Variants in DOCK6 observed in about 807,000 individuals in gnomAD.
The protein encoded by DOCK6 is dedicator of cytokinesis protein 6.
A neutral mutation model predicts 230.3 loss-of-function variants in DOCK6; 167 were observed. The observed-to-expected ratio is 0.73, with a 90% CI of 0.64 to 0.82. DOCK6 has a LOEUF of 0.82. Ranked by LOEUF, DOCK6 falls within the 40% of genes least tolerant of loss-of-function variation. DOCK6 has a pLI of 0.00. For missense variants in DOCK6, 2,598 were observed against 2,825.8 expected, an observed-to-expected ratio of 0.92 and a Z score of 1.83; for synonymous variants, 1,148 against 1,185.0, an observed-to-expected ratio of 0.97 and a Z score of 0.64.
At chr19:11,229,263 A>G (rs891305454) in intron 22 of DOCK6, 24 of 1,325,582 alleles carry the variant, frequency 1.8e-5, no homozygotes, top group Admixed American at 3.3e-5. Flanking sequence ...GGGGACCAGG[A>G]CAAAAATAGC....
rs772522756 is a variant in DOCK6, at chr19:11,222,994, T to A, written c.3068A>T (p.Gln1023Leu). The change falls in exon 25 of 48, where the codon CAG becomes CTG. Residue 1023 changes from glutamine (Q) to leucine (L), a missense_variant and splice_region_variant. Coordinates refer to ENST00000294618, the MANE Select transcript of DOCK6 (RefSeq NM_020812.4). This position sits in a 1 kb window ranked among gnomAD's most constrained non-coding sequence, Gnocchi z 4.0. ...VFSLVRAHYK[Q>L]VATRLQSSPN... is the part of the protein sequence containing the mutation. ...CACCCTGCCCACGCCCACTCCTACC[T>A]GCTTGTAGTGGGCCCGGACCAGGCT... 6.2e-7 allele frequency: 1 copy of A among 1,613,792 alleles called. No homozygotes were observed. The highest frequency in any genetic ancestry group is 1.1e-5 in the South Asian group (1 of 91,072).
intron 24 of DOCK6, among the ~76,000 whole-genome samples, chr19:11,223,391 C>T (rs2079612739): frequency 6.6e-6 from 1 of 152,180 alleles, no homozygotes; most frequent in African/African-American, 2.4e-5. Flanking sequence ...TTCCCAGCCT[C>T]CCTTCCAGTT....
In DOCK6 at chr19:11,213,355, T is replaced by C. The variant is rs756854091; in HGVS notation, c.4339-27A>G. ...TGCCCCCAAGGACCCAGACAGACAC[T>C]GTCCAGCCCCTCCCCGTTCTGGCTC... is the stretch of plus-strand genomic sequence containing the variant. On this transcript the variant is annotated intron_variant, in intron 34 of 47. Coordinates refer to ENST00000294618, the MANE Select transcript of DOCK6 (RefSeq NM_020812.4). The C allele has an allele frequency of 1.6e-5, 26 of 1,601,192 alleles. No individual in the cohort carries two copies. The African/African-American group carries it at 3.3e-4, about 21-fold the overall frequency.
In DOCK6 at chr19:11,202,832, G is replaced by GGCCCCCTGCCTGT; in HGVS notation, c.5236-124_5236-123insACAGGCAGGGGGC. On this transcript the variant is annotated intron_variant, in intron 41 of 47. Transcript: ENST00000294618. This position sits in a 1 kb window ranked among gnomAD's most constrained non-coding sequence, Gnocchi z 5.3. ...AGGACCCCGAGAACATCAGGGCATG[G>GGCCCCCTGCCTGT]GCACAGGCAGGGGGCCCTGAGAACA... The GGCCCCCTGCCTGT allele has an allele frequency of 6.7e-7, 1 of 1,491,154 alleles. No individual in the cohort carries two copies. The highest frequency in any genetic ancestry group is 1.1e-5 in the South Asian group (1 of 87,470). 92.4% of individuals were successfully genotyped at this position (1,491,154 alleles called of 1,614,324 possible).
rs1044236317 is a variant in DOCK6 at position 11,200,504 on chromosome 19, C to T, written c.5940-35G>A. 16 of 1,598,476 alleles carry T rather than the reference C, an allele frequency of 1.0e-5. No homozygotes were observed. The highest frequency in any genetic ancestry group is 2.3e-5 in the East Asian group (1 of 44,072). ...AGAGGGTGGGAGATGCTCAGAGACT[C>T]GCACACGGGACTGAAAGCAAGACTA... On this transcript the variant is annotated intron_variant, in intron 46 of 47. Transcript: ENST00000294618. The surrounding 1 kb of genome is among the most constrained non-coding windows in gnomAD (Gnocchi z 4.3).
intron 1 of DOCK6, among the ~76,000 whole-genome samples, chr19:11,260,229 CCT>C (rs891562622): frequency 2.0e-5 from 3 of 152,074 alleles, no homozygotes; most frequent in Non-Finnish European, 4.4e-5. Flanking sequence ...ATCCAAAACC[CCT>C]CTTTCTCACT....
chr19:11,253,462 G>A (rs1317836235), intron 2 of DOCK6, among the ~76,000 whole-genome samples, 177 bp downstream of exon 2: 3 of 152,154 alleles, frequency 2.0e-5, no homozygotes, highest in Admixed American at 2.0e-4. Context: ...ACAGGAATTG[G>A]TGAGACTACT....
At chr19:11,239,712 C>T (rs376063419) in intron 14 of DOCK6, 47 of 1,613,472 alleles carry the variant, frequency 2.9e-5, no homozygotes, top group Admixed American at 8.3e-5. Flanking sequence ...CCCCCATGGG[C>T]GGCCCAGAAC....
At chr19:11,216,668 C>A in intron 30 of DOCK6, 1 of 481,918 alleles carries the variant, frequency 2.1e-6, no homozygotes, top group South Asian at 2.4e-5. Context: ...CTCGGCCTCC[C>A]AAAGTGCTGG....
chr19:11,233,800 A>C (rs1242599104), intron 21 of DOCK6, among the ~76,000 whole-genome samples: 7 of 151,400 alleles, frequency 4.6e-5, no homozygotes, highest in Non-Finnish European at 1.0e-4. Flanking sequence ...TGATCGTGAC[A>C]CTGCACTCTA....
intron 22 of DOCK6, chr19:11,232,438 C>T (rs2079780118): frequency 2.0e-6 from 1 of 498,056 alleles, no homozygotes; most frequent in African/African-American, 2.0e-5. Flanking sequence ...GTATATAGGT[C>T]CATTGGGTGC....
chr19:11,204,229 G>A lies in DOCK6; in HGVS notation c.5191C>T (p.Gln1731Ter). The change falls in exon 40 of 48, where the codon CAG (glutamine) becomes TAG (stop). Residue 1731 changes from glutamine (Q) to a stop codon, truncating the protein, a stop_gained. Coordinates refer to ENST00000294618, the MANE Select transcript of DOCK6 (RefSeq NM_020812.4). LOFTEE classifies it high-confidence loss of function. ...KKLAAVHGKL[Q>*]EAFTKIMHQS... ...TGCATGATCTTGGTGAAGGCCTCCT[G>A]CAGTTTGCCGTGCACCGCGGCCAGC... 6.4e-7 allele frequency: 1 copy of A among 1,572,266 alleles called. No homozygotes were observed. The highest frequency in any genetic ancestry group is 1.2e-5 in the South Asian group (1 of 86,322).
chr19:11,205,211 T>G (rs547448636), intron 39 of DOCK6, among the ~76,000 whole-genome samples: 1 of 152,214 alleles, frequency 6.6e-6, no homozygotes, highest in Non-Finnish European at 1.5e-5. Context: ...ATGGTTTTTT[T>G]TCGTAATCTT....
At chr19:11,258,590 G>A (rs1455113101) in intron 1 of DOCK6, among the ~76,000 whole-genome samples, 1 of 150,756 alleles carries the variant, frequency 6.6e-6, no homozygotes, top group East Asian at 2.0e-4. Flanking sequence ...CCACCACCAT[G>A]CCCAGCTAAT....
rs951607549 is a variant in DOCK6 at position 11,217,414 on chromosome 19, A to G, written c.3551-23T>C. Reference sequence around the variant, plus strand: ...CCTCTGGCAGGGAAAGACAGAGGGAAAGAAAGATAAACCCTTGGTAAGTGC... The same window carrying G: ...CCTCTGGCAGGGAAAGACAGAGGGAGAGAAAGATAAACCCTTGGTAAGTGC... On this transcript the variant is annotated intron_variant, in intron 28 of 47. Transcript: ENST00000294618. The G allele has an allele frequency of 2.1e-5, 33 of 1,606,476 alleles. No homozygotes were observed. The East Asian group carries it at 7.4e-4, about 36-fold the overall frequency.
In DOCK6 at chr19:11,215,973, C is replaced by CG. The variant is rs745742009; in HGVS notation, c.3895-47dup. 2.5e-6 allele frequency: 4 copies of CG among 1,610,256 alleles called. No individual in the cohort carries two copies. In the East Asian group the frequency reaches 6.7e-5, roughly 27 times the overall value. ...GGTTCCAGGCTGACTCTGCTCTTTT[C>CG]GGGGGGACCTGGGCTGGCCCCATCC... On this transcript the variant is annotated intron_variant, in intron 30 of 47. Transcript: ENST00000294618.
chr19:11,201,175 G>T lies in DOCK6; in HGVS notation c.5689-123C>A. 1 of 1,244,968 alleles carries T rather than the reference G, an allele frequency of 8.0e-7. No individual in the cohort carries two copies. Among genetic ancestry groups the T allele is most frequent in the Non-Finnish European group, 1.1e-6 (1 of 895,136 alleles). 77.1% of individuals were successfully genotyped at this position (1,244,968 alleles called of 1,614,324 possible). ...GGTCCAAGAACCCAGGCAATGAACA[G>T]AATCTGGGGGCCTTCCTGGGTCTGA... is the stretch of plus-strand genomic sequence containing the variant. On this transcript the variant is annotated intron_variant, in intron 44 of 47. Transcript: ENST00000294618. This position sits in a 1 kb window ranked among gnomAD's most constrained non-coding sequence, Gnocchi z 4.3.
At chr19:11,208,071 C>T (rs991081744) in intron 39 of DOCK6, 6 of 151,796 alleles carry the variant, frequency 4.0e-5, no homozygotes, top group African/African-American at 1.5e-4. Flanking sequence ...GAGTGAGCTA[C>T]AATCACACCA....
Position 11,238,322 on chromosome 19 carries a change from G to C in DOCK6, c.1644-18C>G, listed in dbSNP as rs200517855. 23 of 1,588,616 alleles carry C rather than the reference G, an allele frequency of 1.4e-5. No individual in the cohort carries two copies. The Middle Eastern group carries it at 1.1e-3, about 78-fold the overall frequency. The stretch of plus-strand genomic sequence containing the variant: ...GCAGGTTCCTGTGGGGGGCAGGATG[G>C]GGGTGTCAGAGGGACAGGGGCCCTG... On this transcript the variant is annotated intron_variant, in intron 14 of 47. Coordinates refer to ENST00000294618, the MANE Select transcript of DOCK6 (RefSeq NM_020812.4).
Sources: gnomAD v4.1 joint callset for allele counts (sites outside exome capture counted in the v4.1 genomes callset) on GRCh38, gnomAD v4.1.1 for gene constraint, Gnocchi (gnomAD v3.1) non-coding constraint, MANE v1.5 for transcripts, NCBI Gene and HGNC (gene_info 2026-07-23, HGNC 2026-07-21) for gene names.